SHB: variants seen among roughly 807,000 people sequenced by gnomAD.
The protein encoded by SHB is SH2 domain containing adaptor protein B.
Under a neutral mutation model 52.3 loss-of-function variants are expected in SHB, and 20 were observed. The ratio of observed to expected loss-of-function variants is 0.38; its 90% CI spans 0.27 to 0.56. The LOEUF is 0.56. Ranked by LOEUF, SHB falls within the 20% of genes least tolerant of loss-of-function variation. The pLI is 0.71. For missense variants in SHB, 825 were observed against 723.3 expected (o/e 1.14, Z -1.61); for synonymous variants, 397 against 316.5 (o/e 1.25, Z -2.70).
intron 2 of SHB, among the ~76,000 whole-genome samples, chr9:37,998,344 C>T (rs1053977157): frequency 6.6e-6 from 1 of 152,188 alleles, no homozygotes; most frequent in African/African-American, 2.4e-5. Flanking sequence ...ACTGCAGGCG[C>T]CCCAGAGACT....
Position 38,048,525 on chromosome 9 carries a change from G to A in SHB, c.717+19404C>T, listed in dbSNP as rs577966507. Among the ~76,000 whole-genome samples the A allele has an allele frequency of 5.9e-5, 9 of 152,182 alleles. No homozygotes were observed. The East Asian group carries it at 7.7e-4, about 13-fold the overall frequency. On this transcript the variant is annotated intron_variant, in intron 1 of 5. Coordinates refer to ENST00000377707, the MANE Select transcript of SHB (RefSeq NM_003028.3). ...GGTGAGTGCCTGTAGTCCCAGCTAC[G>A]TGGGAGGCTGAGTCTGGAGGATCTC...
At chr9:37,929,491 G>A (rs1832289142) in intron 5 of SHB, among the ~76,000 whole-genome samples, 1 of 152,232 alleles carries the variant, frequency 6.6e-6, no homozygotes, top group African/African-American at 2.4e-5. Flanking sequence ...CTGCACCAGT[G>A]GCCGCCTGTC....
intron 1 of SHB, among the ~76,000 whole-genome samples, chr9:38,019,594 C>G (rs1190494987): frequency 1.3e-5 from 2 of 152,244 alleles, no homozygotes; most frequent in Non-Finnish European, 2.9e-5. Context: ...TGTGGGACAG[C>G]TGCACTTGTG....
chr9:38,060,971 T>C (rs7850311), intron 1 of SHB, among the ~76,000 whole-genome samples: 80,314 of 152,068 alleles, frequency 0.53, 21,547 homozygotes, highest in Middle Eastern at 0.61. Context: ...ATATAGCAAT[T>C]GCTCAGTCAG....
intron 2 of SHB, among the ~76,000 whole-genome samples, chr9:37,976,114 C>G (rs1035886005): frequency 6.6e-6 from 1 of 152,202 alleles, no homozygotes; most frequent in Non-Finnish European, 1.5e-5. Flanking sequence ...CGGCTCACTG[C>G]AAACTCTGGC....
chr9:38,015,612 G>A (rs1038334602), intron 2 of SHB: 2 of 606,822 alleles, frequency 3.3e-6, no homozygotes, highest in Non-Finnish European at 5.9e-6. Context: ...CGAAAGCCAG[G>A]TGACCCAGCC....
At chr9:38,055,202 T>C (rs1374421746) in intron 1 of SHB, among the ~76,000 whole-genome samples, 1 of 152,212 alleles carries the variant, frequency 6.6e-6, no homozygotes, top group Non-Finnish European at 1.5e-5. Context: ...ACAGTCATGT[T>C]CGGCAGTGTT....
intron 5 of SHB, among the ~76,000 whole-genome samples, chr9:37,942,843 C>G (rs1832449648): frequency 6.6e-6 from 1 of 152,068 alleles, no homozygotes; most frequent in African/African-American, 2.4e-5. Flanking sequence ...ACATCAGGCC[C>G]CTCCCCAGCT....
At chr9:37,973,584 T>C (rs1363340018) in intron 3 of SHB, among the ~76,000 whole-genome samples, 4 of 152,128 alleles carry the variant, frequency 2.6e-5, no homozygotes, top group Non-Finnish European at 1.5e-5. Context: ...AATAAAAAGG[T>C]GTTAGCTTAG....
At chr9:38,065,842 A>G (rs1821953924) in intron 1 of SHB, among the ~76,000 whole-genome samples, 1 of 152,116 alleles carries the variant, frequency 6.6e-6, no homozygotes, top group Non-Finnish European at 1.5e-5. Flanking sequence ...TTCAGCCACA[A>G]GGGACTTCAC....
intron 5 of SHB, among the ~76,000 whole-genome samples, chr9:37,922,692 C>G (rs369040337): frequency 2.0e-5 from 3 of 152,170 alleles, no homozygotes; most frequent in African/African-American, 7.2e-5. Context: ...AGTCTGTGGC[C>G]TGACCATTCT....
At chr9:37,970,579 T>A (rs1314602218) in intron 3 of SHB, among the ~76,000 whole-genome samples, 1 of 152,172 alleles carries the variant, frequency 6.6e-6, no homozygotes, top group Non-Finnish European at 1.5e-5. Flanking sequence ...TTTTGCTTCA[T>A]AGATGGATGG....
chr9:37,924,131 T>A (rs1218394446), intron 5 of SHB, among the ~76,000 whole-genome samples: 2 of 152,182 alleles, frequency 1.3e-5, no homozygotes, highest in Non-Finnish European at 2.9e-5. Context: ...GTGGGTGACC[T>A]GTCTAATGAG....
At chr9:37,940,337 G>A (rs1323187457) in intron 5 of SHB, among the ~76,000 whole-genome samples, 1 of 152,192 alleles carries the variant, frequency 6.6e-6, no homozygotes. Flanking sequence ...CCCCTCAATG[G>A]TGCACTCTCT....
At chr9:38,034,795 C>T (rs909670130) in intron 1 of SHB, among the ~76,000 whole-genome samples, 2 of 152,248 alleles carry the variant, frequency 1.3e-5, no homozygotes, top group Non-Finnish European at 2.9e-5. Flanking sequence ...CTCCCGGGTT[C>T]AAGTGATTCT....
intron 2 of SHB, among the ~76,000 whole-genome samples, chr9:37,991,386 G>A (rs189863608): frequency 2.2e-3 from 336 of 152,324 alleles, no homozygotes; most frequent in African/African-American, 7.5e-3. Flanking sequence ...TAATATTCCA[G>A]TGAAATGGGC....
chr9:38,034,392 T>C (rs1453984996), intron 1 of SHB, among the ~76,000 whole-genome samples: 1 of 152,216 alleles, frequency 6.6e-6, no homozygotes. Flanking sequence ...GAGAGGAGAC[T>C]GTCTCCCTCT....
At chr9:37,920,976 A>G (rs1832173503) in intron 5 of SHB, among the ~76,000 whole-genome samples, 1 of 152,142 alleles carries the variant, frequency 6.6e-6, no homozygotes, top group African/African-American at 2.4e-5. Flanking sequence ...CCAAAGCCAC[A>G]GTCCTCCCAC....
At chr9:38,018,551 T>C (rs1382445056) in intron 1 of SHB, among the ~76,000 whole-genome samples, 1 of 150,974 alleles carries the variant, frequency 6.6e-6, no homozygotes, top group Non-Finnish European at 1.5e-5. Flanking sequence ...AAGAAGCAAA[T>C]TGGAAAGTTC....
Sources: gnomAD v4.1 joint callset for allele counts (sites outside exome capture counted in the v4.1 genomes callset) on GRCh38, gnomAD v4.1.1 for gene constraint, MANE v1.5 for transcripts, NCBI Gene and HGNC (gene_info 2026-07-23, HGNC 2026-07-21) for gene names.